Variants in MMP26 observed in about 807,000 individuals in gnomAD.
MMP26 encodes matrix metalloproteinase-26.
Under a neutral mutation model 31.0 loss-of-function variants are expected in MMP26, and 33 were observed. The observed-to-expected ratio is 1.06, with a 90% CI of 0.81 to 1.42. The LOEUF (loss-of-function observed/expected upper bound fraction) is 1.42. MMP26 is among the 40% of genes most tolerant of loss of function. MMP26 has a pLI of 0.00. For synonymous variants in MMP26, 122 were observed against 114.9 expected (o/e 1.06, Z -0.40); for missense variants, 347 against 316.1 (o/e 1.10, Z -0.74).
intron 2 of MMP26, among the ~76,000 whole-genome samples, chr11:4,957,364 C>T (rs1322490579): frequency 3.3e-5 from 5 of 152,180 alleles, no homozygotes; most frequent in Non-Finnish European, 2.9e-5. Context: ...TGCTTTCACA[C>T]CAATTTGTAG....
At chr11:4,816,697 C>CTTTTTTT (rs747753151) in intron 2 of MMP26, among the ~76,000 whole-genome samples, 1 of 79,386 alleles carries the variant, frequency 1.3e-5, no homozygotes, top group African/African-American at 5.5e-5. Flanking sequence ...TGGGTGCCTT[C>CTTTTTTT]TTTTTTTTTT....
intron 2 of MMP26, among the ~76,000 whole-genome samples, chr11:4,827,690 C>T (rs902386095): frequency 6.6e-6 from 1 of 151,380 alleles, no homozygotes; most frequent in Non-Finnish European, 1.5e-5. Context: ...TAAGGGAAAG[C>T]AGAAATGGAG....
At chr11:4,914,835 C>G (rs780140469) in intron 2 of MMP26, 2 of 1,613,866 alleles carry the variant, frequency 1.2e-6, no homozygotes, top group African/African-American at 1.3e-5. Context: ...ACCACCTGGA[C>G]CAGGTGGGGT....
chr11:4,792,750 A>G lies in MMP26; in HGVS notation c.-145+25409A>G, dbSNP rs564732833. ...ACATACATGGCTTACAGTTGGGAAA[A>G]CAGTGATCCTTTAGCTGCCTGAGGT... On this transcript the variant is annotated intron_variant, in intron 2 of 7. Coordinates refer to ENST00000380390, the MANE Select transcript of MMP26 (RefSeq NM_021801.5). 5.3e-4 allele frequency among the ~76,000 whole-genome samples: 81 copies of G among 152,296 alleles called. No homozygotes were observed. The South Asian group carries it at 0.011, about 20-fold the overall frequency.
chr11:4,861,883 GAAGA>G (rs1445591776), intron 2 of MMP26, among the ~76,000 whole-genome samples: 1 of 151,970 alleles, frequency 6.6e-6, no homozygotes, highest in Non-Finnish European at 1.5e-5. Context: ...AATGTACTTA[GAAGA>G]AAGCTCTAAA....
At chr11:4,931,569 TTAA>T (rs1172884682) in intron 2 of MMP26, among the ~76,000 whole-genome samples, 5 of 152,058 alleles carry the variant, frequency 3.3e-5, no homozygotes, top group South Asian at 2.1e-4. Flanking sequence ...AATAAATAAA[TTAA>T]TAAGAATTGG....
At chr11:4,728,034 A>G (rs1848126207) in intron 1 of MMP26, among the ~76,000 whole-genome samples, 4 of 152,248 alleles carry the variant, frequency 2.6e-5, no homozygotes, top group Admixed American at 2.6e-4. Context: ...TAAAATTTTA[A>G]AAACAAGGTA....
At chr11:4,845,823 C>T (rs1009122528) in intron 2 of MMP26, among the ~76,000 whole-genome samples, 5 of 152,112 alleles carry the variant, frequency 3.3e-5, no homozygotes, top group Non-Finnish European at 5.9e-5. Flanking sequence ...AAAACAATGA[C>T]AAACAGGCAT....
At chr11:4,711,463 G>T (rs1033595393) in intron 1 of MMP26, 11 of 152,100 alleles carry the variant, frequency 7.2e-5, no homozygotes, top group African/African-American at 1.9e-4. Flanking sequence ...AATAATGAGG[G>T]TTTCTTTTTC....
At chr11:4,907,833 T>C (rs139252368) in intron 2 of MMP26, 10 of 1,613,692 alleles carry the variant, frequency 6.2e-6, no homozygotes, top group African/African-American at 2.7e-5. Flanking sequence ...AGCATTCTCT[T>C]AGTGATTCCA....
chr11:4,730,263 G>A (rs1848155888), intron 1 of MMP26, among the ~76,000 whole-genome samples: 1 of 152,160 alleles, frequency 6.6e-6, no homozygotes. Context: ...TGTGGGATAG[G>A]TGCAACCTGA....
chr11:4,780,780 A>G (rs1401506325), intron 2 of MMP26, among the ~76,000 whole-genome samples: 1 of 151,986 alleles, frequency 6.6e-6, no homozygotes, highest in South Asian at 2.1e-4. Context: ...CCATAGTAGT[A>G]TAAAACTAGA....
At chr11:4,870,900 A>G (rs374936983) in intron 2 of MMP26, among the ~76,000 whole-genome samples, 1 of 152,260 alleles carries the variant, frequency 6.6e-6, no homozygotes. Context: ...TATTTAAAGC[A>G]GTGGTATTTG....
chr11:4,975,458 G>A (rs747324631), intron 2 of MMP26, among the ~76,000 whole-genome samples: 3 of 151,982 alleles, frequency 2.0e-5, no homozygotes, highest in Non-Finnish European at 4.4e-5. Flanking sequence ...GTCTTCAGTG[G>A]AAAACTGAAG....
intron 2 of MMP26, among the ~76,000 whole-genome samples, chr11:4,863,200 T>G (rs1367268701): frequency 2.6e-5 from 4 of 152,162 alleles, no homozygotes; most frequent in Non-Finnish European, 5.9e-5. Flanking sequence ...CTGATTTTCA[T>G]TACCTGAATC....
chr11:4,925,522 T>C (rs1851257635), intron 2 of MMP26, among the ~76,000 whole-genome samples: 1 of 151,968 alleles, frequency 6.6e-6, no homozygotes, highest in African/African-American at 2.4e-5. Flanking sequence ...CTAGAGGATA[T>C]TATATGTAGC....
In MMP26 at chr11:4,943,247, C is replaced by A. The variant is rs900024628; in HGVS notation, c.-144-44821C>A. Reference sequence around the variant, plus strand: ...TCTTTTTAAAAAGTATTTGAACTTGCCTTTTGGTAAGGTTTACATCCTTTG... The same window carrying A: ...TCTTTTTAAAAAGTATTTGAACTTGACTTTTGGTAAGGTTTACATCCTTTG... On this transcript the variant is annotated intron_variant, in intron 2 of 7. Coordinates refer to ENST00000380390, the MANE Select transcript of MMP26 (RefSeq NM_021801.5). The A allele has an allele frequency of 4.3e-5, 8 of 187,630 alleles. No individual in the cohort carries two copies. In the South Asian group the frequency reaches 7.6e-4, roughly 18 times the overall value. The allele number at this position is 187,630 out of a possible 1,614,324, so 11.6% of individuals were successfully genotyped here. A position where few individuals can be genotyped will look rare whatever the true frequency, so the allele number is the denominator to read the frequency against.
intron 2 of MMP26, chr11:4,923,499 C>T (rs1455595467): frequency 1.2e-6 from 2 of 1,614,058 alleles, no homozygotes; most frequent in Non-Finnish European, 1.7e-6. Flanking sequence ...AGCAGATACA[C>T]ATAGGACATG....
At chr11:4,712,865 A>G (rs915281884) in intron 1 of MMP26, among the ~76,000 whole-genome samples, 3 of 150,906 alleles carry the variant, frequency 2.0e-5, no homozygotes, top group African/African-American at 7.3e-5. Context: ...TCTATGTTAC[A>G]CTCTGAATTC....
Sources: gnomAD v4.1 joint callset for allele counts (sites outside exome capture counted in the v4.1 genomes callset) on GRCh38, gnomAD v4.1.1 for gene constraint, MANE v1.5 for transcripts, NCBI Gene and HGNC (gene_info 2026-07-23, HGNC 2026-07-21) for gene names.